PIK3AP1: variants seen among roughly 807,000 people sequenced by gnomAD.
PIK3AP1 encodes phosphoinositide 3-kinase adapter protein 1.
In PIK3AP1, 21 loss-of-function variants were observed where a neutral mutation model predicts 88.1. That is an observed-to-expected ratio of 0.24 (90% CI 0.17 to 0.34). The LOEUF (loss-of-function observed/expected upper bound fraction) is 0.34, where lower values mean the gene tolerates loss of function less well. Ranked by LOEUF, PIK3AP1 falls within the 10% of genes least tolerant of loss-of-function variation. The probability of loss-of-function intolerance (pLI) is 1.00; values close to 1 mark genes in which losing one functional copy is unlikely to be tolerated. For missense variants in PIK3AP1, 828 were observed against 1,035.7 expected, an observed-to-expected ratio of 0.80 and a Z score of 2.75; for synonymous variants, 398 against 400.0, an observed-to-expected ratio of 1.00 and a Z score of 0.06.
rs555629577 is a variant in PIK3AP1 at position 96,686,482 on chromosome 10, G to A, written c.430+23085C>T. 5.3e-5 allele frequency among the ~76,000 whole-genome samples: 8 copies of A among 152,320 alleles called. No homozygotes were observed. The South Asian group carries it at 1.7e-3, about 32-fold the overall frequency. On this transcript the variant is annotated intron_variant, in intron 2 of 16. Transcript: ENST00000339364. ...GAGCTCCACAGGAGTCCAGAGCAAA[G>A]AGAAACCACAGGTAACAGAATTTGA...
At chr10:96,601,735 A>G (rs1307562274) in intron 16 of PIK3AP1, among the ~76,000 whole-genome samples, 2 of 152,230 alleles carry the variant, frequency 1.3e-5, no homozygotes, top group African/African-American at 2.4e-5. Flanking sequence ...TGATAAAAAC[A>G]ATTTTAAAAG....
At chr10:96,630,106 G>A (rs578154823) in intron 8 of PIK3AP1, among the ~76,000 whole-genome samples, 20 of 151,844 alleles carry the variant, frequency 1.3e-4, no homozygotes, top group South Asian at 8.4e-4. Flanking sequence ...CAGCCTATTC[G>A]AAAAAATAAA....
chr10:96,700,956 T>C (rs45572238), intron 2 of PIK3AP1: 4 of 585,148 alleles, frequency 6.8e-6, no homozygotes, highest in Non-Finnish European at 8.5e-6. Context: ...CAGCCCATAA[T>C]AGCCTATAAC....
chr10:96,706,211 A>T (rs1484406005), intron 2 of PIK3AP1, among the ~76,000 whole-genome samples: 1 of 152,046 alleles, frequency 6.6e-6, no homozygotes, highest in East Asian at 1.9e-4. Flanking sequence ...CCAATTTCTT[A>T]TTGGGATTCT....
intron 2 of PIK3AP1, among the ~76,000 whole-genome samples, chr10:96,662,773 T>A (rs1334620986): frequency 2.0e-5 from 3 of 148,972 alleles, no homozygotes; most frequent in Non-Finnish European, 4.5e-5. Flanking sequence ...TCCCAGCTAC[T>A]CGGGAGGCTG....
At chr10:96,657,676 T>C (rs1477956809) in intron 2 of PIK3AP1, among the ~76,000 whole-genome samples, 1 of 152,028 alleles carries the variant, frequency 6.6e-6, no homozygotes. Context: ...TGTGTGTGTG[T>C]GTGCATGCAC....
intron 1 of PIK3AP1, among the ~76,000 whole-genome samples, chr10:96,715,638 C>T (rs921611730): frequency 2.6e-4 from 39 of 152,136 alleles, no homozygotes; most frequent in African/African-American, 8.9e-4. Flanking sequence ...TGCCTGTAAT[C>T]CTAGCACTCT....
chr10:96,678,338 G>A (rs181819236), intron 2 of PIK3AP1, among the ~76,000 whole-genome samples: 1 of 152,288 alleles, frequency 6.6e-6, no homozygotes, highest in Non-Finnish European at 1.5e-5. Context: ...GGGAGGCTGA[G>A]GCAAGAGAAT....
At chr10:96,610,130 T>C (rs1229877725) in intron 13 of PIK3AP1, among the ~76,000 whole-genome samples, 2 of 152,136 alleles carry the variant, frequency 1.3e-5, no homozygotes, top group African/African-American at 2.4e-5. Flanking sequence ...AGAGAAGCGC[T>C]TCTGCATCAG....
intron 2 of PIK3AP1, among the ~76,000 whole-genome samples, chr10:96,662,635 C>T (rs1468394510): frequency 6.8e-6 from 1 of 146,130 alleles, no homozygotes; most frequent in African/African-American, 2.6e-5. Flanking sequence ...AATCCCAGCA[C>T]TTTGGGAGGC....
chr10:96,694,339 T>C (rs1844192371), intron 2 of PIK3AP1, among the ~76,000 whole-genome samples: 1 of 152,176 alleles, frequency 6.6e-6, no homozygotes, highest in Non-Finnish European at 1.5e-5. Flanking sequence ...AAATATTTGA[T>C]GAATATAAAC....
chr10:96,633,167 G>T, intron 8 of PIK3AP1: 1 of 1,286,394 alleles, frequency 7.8e-7, no homozygotes, highest in Non-Finnish European at 1.0e-6. Context: ...AAAGAATGCT[G>T]TCCCTTTCAA....
At chr10:96,670,155 C>CAAAAAA (rs35152022) in intron 2 of PIK3AP1, among the ~76,000 whole-genome samples, 1 of 91,468 alleles carries the variant, frequency 1.1e-5, no homozygotes, top group Non-Finnish European at 2.1e-5. Flanking sequence ...AAGACTCCAT[C>CAAAAAA]AAAAAAAAAA....
intron 11 of PIK3AP1, among the ~76,000 whole-genome samples, chr10:96,621,948 G>C (rs925449253): frequency 6.6e-6 from 1 of 152,178 alleles, no homozygotes; most frequent in Non-Finnish European, 1.5e-5. Flanking sequence ...TCTTTAGGGA[G>C]GGGGTACAAA....
intron 3 of PIK3AP1, among the ~76,000 whole-genome samples, chr10:96,656,529 G>T (rs1564972974): frequency 6.6e-6 from 1 of 152,148 alleles, no homozygotes; most frequent in Non-Finnish European, 1.5e-5. Context: ...CTGTCTGCTG[G>T]TCTCCTAGGT....
chr10:96,628,666 T>C (rs1843186143), intron 8 of PIK3AP1, among the ~76,000 whole-genome samples, 173 bp from the exon 9 acceptor site: 1 of 151,764 alleles, frequency 6.6e-6, no homozygotes, highest in Admixed American at 6.6e-5. Flanking sequence ...GTGTGAGGCA[T>C]AAAAGAGAGC....
intron 1 of PIK3AP1, among the ~76,000 whole-genome samples, chr10:96,719,640 T>C: frequency 6.6e-6 from 1 of 152,138 alleles, no homozygotes; most frequent in Non-Finnish European, 1.5e-5. Flanking sequence ...TCCGTTATCA[T>C]CATTATGTGG....
intron 3 of PIK3AP1, among the ~76,000 whole-genome samples, chr10:96,656,073 C>T (rs541466652): frequency 3.9e-5 from 6 of 152,284 alleles, no homozygotes; most frequent in South Asian, 4.1e-4. Context: ...CACGCTGTCT[C>T]GCCTCAAGGA....
rs567811831 is a variant in PIK3AP1, at chr10:96,689,689, T to C, written c.430+19878A>G. Among the ~76,000 whole-genome samples, 3 of 152,248 alleles carry C rather than the reference T, an allele frequency of 2.0e-5. No individual in the cohort carries two copies. In the South Asian group the frequency reaches 6.2e-4, roughly 32 times the overall value. On this transcript the variant is annotated intron_variant, in intron 2 of 16. Coordinates refer to ENST00000339364, the MANE Select transcript of PIK3AP1 (RefSeq NM_152309.3). ...CCACCCCATTGAAAGCCCTTTCTTA[T>C]TTTGCAGATTCTATGTACATGCCAG...
Sources: allele counts gnomAD v4.1 joint callset (sites outside exome capture counted in the v4.1 genomes callset), GRCh38; gene constraint gnomAD v4.1.1; transcripts MANE v1.5; gene names NCBI Gene and HGNC (gene_info 2026-07-23, HGNC 2026-07-21).